CPNE8: variants seen among roughly 807,000 people sequenced by gnomAD.
CPNE8 encodes copine 8.
In CPNE8, 45 loss-of-function variants were observed where a neutral mutation model predicts 81.5. The ratio of observed to expected loss-of-function variants is 0.55; its 90% CI spans 0.44 to 0.71. The LOEUF (loss-of-function observed/expected upper bound fraction) is 0.71. Ranked by LOEUF, CPNE8 falls within the 30% of genes least tolerant of loss-of-function variation. The pLI is 0.00. For missense variants in CPNE8, 594 were observed against 672.1 expected, an observed-to-expected ratio of 0.88 and a Z score of 1.28; for synonymous variants, 252 against 226.3, an observed-to-expected ratio of 1.11 and a Z score of -1.02.
At position 38,834,798 on chromosome 12, in the gene CPNE8, C is replaced by T. The variant is rs79333514; in HGVS notation, c.330+5118G>A. On this transcript the variant is annotated intron_variant, in intron 5 of 19. Transcript: ENST00000331366. ...ATCATCTGATTCCTATGTATGTTTC[C>T]GAACTATTTCAGTACACTCCCTTCA... is the stretch of plus-strand genomic sequence containing the variant. 6.5e-3 allele frequency among the ~76,000 whole-genome samples: 995 copies of T among 152,138 alleles called. 46 individuals are homozygous for T. In the East Asian group the frequency reaches 0.13, roughly 19 times the overall value.
chr12:38,781,434 A>G lies in CPNE8; in HGVS notation c.408-5133T>C, dbSNP rs146768676. On this transcript the variant is annotated intron_variant, in intron 6 of 19. Coordinates refer to ENST00000331366, the MANE Select transcript of CPNE8 (RefSeq NM_153634.3). Reference sequence around the variant, plus strand: ...AAATTTGATTCAAAAAATTCAAAAGAAAAGAATGGAAAGATATCTCAGAAA... The same window carrying G: ...AAATTTGATTCAAAAAATTCAAAAGGAAAGAATGGAAAGATATCTCAGAAA... Among the ~76,000 whole-genome samples, 1,428 of 152,200 alleles carry G rather than the reference A, an allele frequency of 9.4e-3. 20 individuals carry two copies. Among genetic ancestry groups the G allele is most frequent in the South Asian group, 0.04 (195 of 4,822 alleles).
At chr12:38,838,707 C>T (rs1355250160) in intron 5 of CPNE8, among the ~76,000 whole-genome samples, 2 of 152,024 alleles carry the variant, frequency 1.3e-5, no homozygotes, top group Non-Finnish European at 2.9e-5. Context: ...TTTTTTTCAA[C>T]CTGTAAAGAG....
chr12:38,670,406 T>A (rs936987338), intron 19 of CPNE8, among the ~76,000 whole-genome samples: 1 of 152,158 alleles, frequency 6.6e-6, no homozygotes, highest in African/African-American at 2.4e-5. Flanking sequence ...TACGCTTTAC[T>A]TAAGTATTTT....
intron 3 of CPNE8, among the ~76,000 whole-genome samples, chr12:38,857,465 A>G (rs1943760383): frequency 6.6e-6 from 1 of 152,166 alleles, no homozygotes; most frequent in Non-Finnish European, 1.5e-5. Flanking sequence ...ACTACATTAT[A>G]GTTATTTCTT....
intron 1 of CPNE8, among the ~76,000 whole-genome samples, chr12:38,875,518 G>C (rs570097417): frequency 6.6e-6 from 1 of 152,132 alleles, no homozygotes; most frequent in Non-Finnish European, 1.5e-5. Context: ...TGTTCAAGCT[G>C]TCTTATTTTC....
chr12:38,768,622 C>T (rs563260272), intron 7 of CPNE8, among the ~76,000 whole-genome samples: 1 of 152,260 alleles, frequency 6.6e-6, no homozygotes, highest in Non-Finnish European at 1.5e-5. Context: ...TGGGTTCTCC[C>T]CATTCTCCTG....
At chr12:38,884,413 T>C (rs1204652157) in intron 1 of CPNE8, among the ~76,000 whole-genome samples, 1 of 152,220 alleles carries the variant, frequency 6.6e-6, no homozygotes, top group African/African-American at 2.4e-5. Context: ...TTCTATTGTA[T>C]GGATATACTA....
chr12:38,778,665 A>G (rs907429129), intron 6 of CPNE8, among the ~76,000 whole-genome samples: 1 of 152,182 alleles, frequency 6.6e-6, no homozygotes, highest in Non-Finnish European at 1.5e-5. Context: ...TTGATGTTAA[A>G]GTCAATACTG....
intron 14 of CPNE8, among the ~76,000 whole-genome samples, chr12:38,699,330 T>C (rs950698866): frequency 6.6e-5 from 10 of 152,236 alleles, no homozygotes; most frequent in Non-Finnish European, 1.5e-4. Context: ...ATGTTCTTAG[T>C]TCACCTAATT....
At chr12:38,803,735 G>A (rs1720341542) in intron 6 of CPNE8, among the ~76,000 whole-genome samples, 2 of 148,010 alleles carry the variant, frequency 1.4e-5, no homozygotes, top group Non-Finnish European at 3.0e-5. Context: ...GTTTGCAGAC[G>A]ACATGATTGT....
chr12:38,690,326 G>C (rs1216443531), intron 15 of CPNE8, among the ~76,000 whole-genome samples: 1 of 152,078 alleles, frequency 6.6e-6, no homozygotes, highest in Non-Finnish European at 1.5e-5. Context: ...ACTTCAGCAA[G>C]AATGAAATCA....
chr12:38,755,989 G>C (rs1009595642), intron 10 of CPNE8, among the ~76,000 whole-genome samples: 1 of 131,754 alleles, frequency 7.6e-6, no homozygotes, highest in Non-Finnish European at 1.6e-5. Flanking sequence ...GCAGTGAGCC[G>C]AGATCCCGCC....
intron 10 of CPNE8, among the ~76,000 whole-genome samples, chr12:38,737,192 A>G (rs555348510): frequency 6.6e-6 from 1 of 151,940 alleles, no homozygotes; most frequent in Admixed American, 6.6e-5. Context: ...TAAAATGATG[A>G]CATATTCAAT....
intron 6 of CPNE8, among the ~76,000 whole-genome samples, chr12:38,827,534 G>A (rs1034689193): frequency 5.3e-5 from 8 of 152,134 alleles, no homozygotes; most frequent in Non-Finnish European, 8.8e-5. Flanking sequence ...GTTCATTGCA[G>A]CACTATTCAC....
At chr12:38,850,232 G>C (rs999995868) in intron 3 of CPNE8, among the ~76,000 whole-genome samples, 13 of 152,292 alleles carry the variant, frequency 8.5e-5, no homozygotes, top group Middle Eastern at 3.4e-3. Flanking sequence ...CCAGAGCAGA[G>C]AGCACTAAAG....
chr12:38,894,688 TC>T lies in CPNE8; in HGVS notation c.98+10748del, dbSNP rs1944362668. On this transcript the variant is annotated intron_variant, in intron 1 of 19. Transcript: ENST00000331366. ...CTCTCTCTCTCTCTCTCTCTCTCTC[TC>T]TCTCTCTCTCTCTCTCTCTCTCATA... is the stretch of plus-strand genomic sequence containing the variant. 3.3e-5 allele frequency among the ~76,000 whole-genome samples: 5 copies of T among 149,434 alleles called. 1 individual carries two copies. Among genetic ancestry groups the T allele is most frequent in the African/African-American group, 9.7e-5 (4 of 41,074 alleles).
At chr12:38,677,639 C>T in intron 16 of CPNE8, 85 bp from the exon 17 acceptor site, 1 of 742,704 alleles carries the variant, frequency 1.3e-6, no homozygotes, top group South Asian at 1.5e-5. Flanking sequence ...AGTTAACAAA[C>T]ATTTTAATCT....
intron 14 of CPNE8, among the ~76,000 whole-genome samples, chr12:38,697,061 A>C (rs966025030): frequency 9.2e-5 from 14 of 152,222 alleles, no homozygotes; most frequent in African/African-American, 3.4e-4. Flanking sequence ...AAAACAAAAC[A>C]AAATAAAACA....
At chr12:38,780,173 G>A (rs1259342957) in intron 6 of CPNE8, among the ~76,000 whole-genome samples, 3 of 152,068 alleles carry the variant, frequency 2.0e-5, no homozygotes, top group African/African-American at 7.2e-5. Context: ...GGGACTATCT[G>A]CTCCCCATCC....
Sources: gnomAD v4.1 joint callset for allele counts (sites outside exome capture counted in the v4.1 genomes callset) on GRCh38, gnomAD v4.1.1 for gene constraint, MANE v1.5 for transcripts, NCBI Gene and HGNC (gene_info 2026-07-23, HGNC 2026-07-21) for gene names.